CTTNBP2: variants seen among roughly 807,000 people sequenced by gnomAD.
CTTNBP2 encodes the protein cortactin-binding protein 2.
In CTTNBP2, 108 loss-of-function variants were observed where a neutral mutation model predicts 156.9. The observed-to-expected ratio is 0.69, with a 90% CI of 0.59 to 0.81. The LOEUF (loss-of-function observed/expected upper bound fraction) is 0.81. Among genes scored for constraint, CTTNBP2 ranks in the 30% least tolerant of loss-of-function variants. The pLI is 0.00. For synonymous variants in CTTNBP2, 767 were observed against 751.8 expected (o/e 1.02, Z -0.33); for missense variants, 1,924 against 2,035.4 (o/e 0.95, Z 1.05).
chr7:117,811,044 A>G (rs1800244855), intron 2 of CTTNBP2, 55 bp from the exon 3 acceptor site: 1 of 1,333,252 alleles, frequency 7.5e-7, no homozygotes, highest in Non-Finnish European at 1.1e-6. Context: ...ATACAGAAAG[A>G]TATTTATAAG....
At chr7:117,831,873 C>T (rs886677104) in intron 2 of CTTNBP2, among the ~76,000 whole-genome samples, 4 of 152,052 alleles carry the variant, frequency 2.6e-5, no homozygotes, top group Non-Finnish European at 4.4e-5. Flanking sequence ...TAAAGGAAAC[C>T]GTTTCTTTGC....
intron 2 of CTTNBP2, among the ~76,000 whole-genome samples, chr7:117,836,826 T>TA (rs1801981978): frequency 6.6e-6 from 1 of 152,168 alleles, no homozygotes; most frequent in East Asian, 1.9e-4. Context: ...AAACCCTTTA[T>TA]AAAAACATCA....
chr7:117,869,688 T>TA (rs1240591539), intron 1 of CTTNBP2, among the ~76,000 whole-genome samples: 1 of 152,112 alleles, frequency 6.6e-6, no homozygotes, highest in Non-Finnish European at 1.5e-5. Context: ...AAATGTTCTC[T>TA]AAACAAAATT....
At chr7:117,801,064 A>T (rs779502792) in intron 3 of CTTNBP2, among the ~76,000 whole-genome samples, 1 of 152,172 alleles carries the variant, frequency 6.6e-6, no homozygotes, top group Non-Finnish European at 1.5e-5. Flanking sequence ...GAACTCATCA[A>T]ATAGGCATCC....
intron 2 of CTTNBP2, among the ~76,000 whole-genome samples, chr7:117,815,263 A>G (rs1178356346): frequency 1.3e-5 from 2 of 152,226 alleles, no homozygotes; most frequent in Non-Finnish European, 2.9e-5. Flanking sequence ...TTTTGATTCC[A>G]TGGTGAAAAC....
chr7:117,732,322 T>C (rs957599852), intron 16 of CTTNBP2, among the ~76,000 whole-genome samples: 4 of 152,104 alleles, frequency 2.6e-5, no homozygotes, highest in Non-Finnish European at 5.9e-5. Context: ...AAATAAATAT[T>C]TATTTACTTT....
chr7:117,738,321 G>A (rs1194887593), intron 14 of CTTNBP2, among the ~76,000 whole-genome samples: 1 of 152,186 alleles, frequency 6.6e-6, no homozygotes, highest in Non-Finnish European at 1.5e-5. Flanking sequence ...CTTGTTGGGA[G>A]GGAGCTACTG....
intron 12 of CTTNBP2, among the ~76,000 whole-genome samples, chr7:117,752,199 G>A (rs1796652868): frequency 6.6e-6 from 1 of 152,116 alleles, no homozygotes; most frequent in African/African-American, 2.4e-5. Context: ...GACTGGCATG[G>A]CACATATTGA....
chr7:117,745,701 T>C, intron 14 of CTTNBP2, 130 bp downstream of exon 14: 2 of 648,062 alleles, frequency 3.1e-6, no homozygotes, highest in East Asian at 5.5e-5. Flanking sequence ...CAAGTGTTTA[T>C]CCCACAGCTG....
At chr7:117,746,197 T>TA in intron 12 of CTTNBP2, 98 bp from the exon 13 acceptor site, 1 of 773,130 alleles carries the variant, frequency 1.3e-6, no homozygotes, top group Non-Finnish European at 2.2e-6. Flanking sequence ...ATTGTCCTCA[T>TA]ACTTTCAAAA....
chr7:117,749,508 G>A (rs1165177721), intron 12 of CTTNBP2, among the ~76,000 whole-genome samples: 1 of 152,152 alleles, frequency 6.6e-6, no homozygotes, highest in Non-Finnish European at 1.5e-5. Context: ...AGTGCTTAAA[G>A]AGAATCCACC....
At chr7:117,779,382 A>AT (rs1387916970) in intron 7 of CTTNBP2, among the ~76,000 whole-genome samples, 3 of 152,140 alleles carry the variant, frequency 2.0e-5, no homozygotes, top group Non-Finnish European at 2.9e-5. Flanking sequence ...TACACTGTTT[A>AT]TCTCTGGAGT....
chr7:117,815,021 T>C (rs1800498579), intron 2 of CTTNBP2, among the ~76,000 whole-genome samples: 1 of 152,250 alleles, frequency 6.6e-6, no homozygotes, highest in Non-Finnish European at 1.5e-5. Flanking sequence ...AGACCACGTG[T>C]TCTTCATTAA....
chr7:117,732,409 G>T (rs1966352), intron 16 of CTTNBP2, among the ~76,000 whole-genome samples: 27,373 of 151,786 alleles, frequency 0.18, 2,640 homozygotes, highest in South Asian at 0.21. Flanking sequence ...CCAGCACTTT[G>T]GGAGGCCGAG....
intron 12 of CTTNBP2, among the ~76,000 whole-genome samples, chr7:117,752,877 T>G (rs1026191175): frequency 6.6e-6 from 1 of 152,174 alleles, no homozygotes; most frequent in African/African-American, 2.4e-5. Flanking sequence ...AAAGATTAAA[T>G]GAGATTATCC....
intron 2 of CTTNBP2, among the ~76,000 whole-genome samples, chr7:117,851,739 T>C (rs909771411): frequency 3.9e-5 from 6 of 152,152 alleles, no homozygotes; most frequent in African/African-American, 9.7e-5. Flanking sequence ...ACTATTCCCA[T>C]ACAGGCACAA....
At chr7:117,838,396 T>C (rs551647457) in intron 2 of CTTNBP2, among the ~76,000 whole-genome samples, 6 of 152,168 alleles carry the variant, frequency 3.9e-5, no homozygotes, top group Non-Finnish European at 8.8e-5. Context: ...CTAATGCTAA[T>C]ATCATCAAGG....
At chr7:117,811,274 A>G (rs772025568) in intron 2 of CTTNBP2, among the ~76,000 whole-genome samples, 2 of 152,134 alleles carry the variant, frequency 1.3e-5, no homozygotes, top group Non-Finnish European at 2.9e-5. Flanking sequence ...AAGGATCAGA[A>G]TTTAAGCAGC....
chr7:117,810,633 G>A (rs902748703), intron 3 of CTTNBP2, 132 bp downstream of exon 3: 13 of 718,026 alleles, frequency 1.8e-5, no homozygotes, highest in Admixed American at 8.8e-5. Context: ...GAATCTGTCA[G>A]CCTCTTGCAC....
Sources: allele counts gnomAD v4.1 joint callset (sites outside exome capture counted in the v4.1 genomes callset), GRCh38; gene constraint gnomAD v4.1.1; transcripts MANE v1.5; gene names NCBI Gene and HGNC (gene_info 2026-07-23, HGNC 2026-07-21).